The following CLEC16A variants were observed in gnomAD, a reference collection of about 807,000 sequenced individuals.
CLEC16A encodes protein CLEC16A.
In CLEC16A, 51 loss-of-function variants were observed where a neutral mutation model predicts 109.5. The ratio of observed to expected loss-of-function variants is 0.47; its 90% CI spans 0.37 to 0.59. CLEC16A has a LOEUF of 0.59. CLEC16A is among the 20% of genes least tolerant of loss of function. The pLI is 0.00. For missense variants in CLEC16A, 1,339 were observed against 1,394.0 expected (o/e 0.96, Z 0.63); for synonymous variants, 673 against 564.2 (o/e 1.19, Z -2.73).
intron 17 of CLEC16A, among the ~76,000 whole-genome samples, chr16:11,049,215 C>T (rs2047798479): frequency 6.6e-6 from 1 of 152,104 alleles, no homozygotes; most frequent in African/African-American, 2.4e-5. Context: ...ACCATGCTGG[C>T]CAGGCTGGTC....
At chr16:11,155,814 G>C (rs113108122) in intron 22 of CLEC16A, among the ~76,000 whole-genome samples, 2,562 of 152,266 alleles carry the variant, frequency 0.017, 86 homozygotes, top group African/African-American at 0.059. Flanking sequence ...GAGTCCTGGC[G>C]AACACAAGCA....
intron 3 of CLEC16A, among the ~76,000 whole-genome samples, chr16:10,964,362 C>T (rs1397523109): frequency 6.6e-6 from 1 of 152,228 alleles, no homozygotes; most frequent in Non-Finnish European, 1.5e-5. Context: ...GAAGATCCAG[C>T]TCAGTGGCAC....
At chr16:11,144,701 C>T (rs139738563) in intron 22 of CLEC16A, among the ~76,000 whole-genome samples, 3 of 152,326 alleles carry the variant, frequency 2.0e-5, no homozygotes, top group African/African-American at 7.2e-5. Flanking sequence ...CCAGGCCTAA[C>T]CCAGTTAAGT....
rs541295639 is a variant in CLEC16A, at chr16:11,019,589, C to T, written c.1304-604C>T. ...TTCGAGACCAGCCTGGCCAACATGG[C>T]GAAACTCTGTCTCTACGAAAAATAC... On this transcript the variant is annotated intron_variant, in intron 11 of 23. Coordinates refer to ENST00000409790, the MANE Select transcript of CLEC16A (RefSeq NM_015226.3). Among the ~76,000 whole-genome samples the T allele has an allele frequency of 1.2e-3, 186 of 152,134 alleles. 2 individuals are homozygous for T. Among genetic ancestry groups the T allele is most frequent in the Admixed American group, 2.1e-3 (32 of 15,280 alleles).
intron 10 of CLEC16A, among the ~76,000 whole-genome samples, chr16:10,996,438 G>C (rs1193486330): frequency 2.0e-5 from 3 of 152,222 alleles, no homozygotes; most frequent in African/African-American, 7.2e-5. Context: ...AGAAGTAAAA[G>C]GTGAGTGGCT....
chr16:11,089,135 A>C (rs1215433702), intron 19 of CLEC16A, among the ~76,000 whole-genome samples: 1 of 152,106 alleles, frequency 6.6e-6, no homozygotes, highest in African/African-American at 2.4e-5. Context: ...TGTCTTGTTC[A>C]CCACGGTCAC....
At chr16:11,102,249 A>T (rs1215103570) in intron 19 of CLEC16A, among the ~76,000 whole-genome samples, 1 of 152,196 alleles carries the variant, frequency 6.6e-6, no homozygotes, top group Non-Finnish European at 1.5e-5. Flanking sequence ...TGCTGATAAG[A>T]TTGCGTTTCA....
chr16:10,976,096 C>T (rs1325310478), intron 7 of CLEC16A, among the ~76,000 whole-genome samples: 2 of 152,114 alleles, frequency 1.3e-5, no homozygotes, highest in African/African-American at 4.8e-5. Context: ...GAGACCCCTC[C>T]ACCCTCTATG....
chr16:11,082,438 C>T (rs1410661285), intron 19 of CLEC16A, among the ~76,000 whole-genome samples: 4 of 152,212 alleles, frequency 2.6e-5, no homozygotes, highest in South Asian at 4.1e-4. Flanking sequence ...GGAGCCAGCC[C>T]ACCCCAAATC....
At position 10,954,133 on chromosome 16, in the gene CLEC16A, A is replaced by G. The variant is rs1040074399; in HGVS notation, c.81-3649A>G. Among the ~76,000 whole-genome samples, 16 of 152,232 alleles carry G rather than the reference A, an allele frequency of 1.1e-4. No individual in the cohort carries two copies. Among genetic ancestry groups the G allele is most frequent in the African/African-American group, 3.9e-4 (16 of 41,462 alleles). On this transcript the variant is annotated intron_variant, in intron 1 of 23. Transcript: ENST00000409790. This position sits in a 1 kb window ranked among gnomAD's most constrained non-coding sequence, Gnocchi z 4.2. ...TACCCAGCAGATGGCGCCACCGACC[A>G]GGGCAAAGAACACCAAGTATTGAGA...
At chr16:11,115,851 TATA>T (rs2051948826) in intron 19 of CLEC16A, among the ~76,000 whole-genome samples, 1 of 150,934 alleles carries the variant, frequency 6.6e-6, no homozygotes, top group Admixed American at 6.6e-5. Context: ...TTTATGTTAA[TATA>T]ATATATTTCA....
rs1309693171 is a variant in CLEC16A at position 11,124,840 on chromosome 16, A to C, written c.2473+894A>C. ...GGTGGTTCATGTCTGTAATCTCAGC[A>C]CTTCGGGAGGCCAAGGCGGGTAACT... On this transcript the variant is annotated intron_variant, in intron 21 of 23. Transcript: ENST00000409790. Among the ~76,000 whole-genome samples, 4 of 152,160 alleles carry C rather than the reference A, an allele frequency of 2.6e-5. No homozygotes were observed. The East Asian group carries it at 7.7e-4, about 29-fold the overall frequency.
At chr16:11,063,277 CTTTTT>C (rs56409015) in intron 19 of CLEC16A, among the ~76,000 whole-genome samples, 6 of 79,096 alleles carry the variant, frequency 7.6e-5, no homozygotes, top group East Asian at 3.8e-4. Context: ...TTCTTCTTTC[CTTTTT>C]TTTTTTTTTT....
At chr16:11,097,305 C>G (rs935278345) in intron 19 of CLEC16A, among the ~76,000 whole-genome samples, 1 of 152,158 alleles carries the variant, frequency 6.6e-6, no homozygotes, top group African/African-American at 2.4e-5. Context: ...GAGTAAATGC[C>G]TCACATCCCT....
intron 1 of CLEC16A, among the ~76,000 whole-genome samples, chr16:10,955,479 A>T (rs1042026942): frequency 6.6e-6 from 1 of 152,118 alleles, no homozygotes; most frequent in African/African-American, 2.4e-5. Flanking sequence ...GGGAACAATT[A>T]AATCCACCTG....
At chr16:11,090,523 T>C (rs1360718994) in intron 19 of CLEC16A, among the ~76,000 whole-genome samples, 2 of 152,214 alleles carry the variant, frequency 1.3e-5, no homozygotes, top group African/African-American at 4.8e-5. Flanking sequence ...GCCTTCACAG[T>C]GGACCACTTT....
intron 19 of CLEC16A, among the ~76,000 whole-genome samples, chr16:11,084,053 G>C (rs947555813): frequency 6.6e-6 from 1 of 152,128 alleles, no homozygotes; most frequent in African/African-American, 2.4e-5. Context: ...ACCACACTGA[G>C]CCCTCTCTCC....
chr16:10,971,709 C>T (rs1205585260), intron 5 of CLEC16A, among the ~76,000 whole-genome samples: 1 of 152,244 alleles, frequency 6.6e-6, no homozygotes, highest in Admixed American at 6.5e-5. Flanking sequence ...TCCTCCTTTC[C>T]CTCAAGATGT....
At chr16:10,980,931 T>G (rs964978278) in intron 9 of CLEC16A, among the ~76,000 whole-genome samples, 2 of 152,216 alleles carry the variant, frequency 1.3e-5, no homozygotes, top group African/African-American at 4.8e-5. Flanking sequence ...ATGAAAATTT[T>G]TATGGATGAC....
Sources: gnomAD v4.1 joint callset for allele counts (sites outside exome capture counted in the v4.1 genomes callset) on GRCh38, gnomAD v4.1.1 for gene constraint, Gnocchi (gnomAD v3.1) non-coding constraint, MANE v1.5 for transcripts, NCBI Gene and HGNC (gene_info 2026-07-23, HGNC 2026-07-21) for gene names.